GCH1: variants seen among roughly 807,000 people sequenced by gnomAD.
The protein encoded by GCH1 is GTP cyclohydrolase 1, also known as GTP cyclohydrolase I.
GCH1 carries 5 observed loss-of-function variants against 25.9 expected under a neutral mutation model. The observed-to-expected ratio is 0.19, with a 90% CI of 0.10 to 0.41. GCH1 has a LOEUF of 0.41. GCH1 is among the 10% of genes least tolerant of loss of function. The pLI is 1.00. For synonymous variants in GCH1, 159 were observed against 129.6 expected (o/e 1.23, Z -1.54); for missense variants, 261 against 336.5 (o/e 0.78, Z 1.75).
intron 1 of GCH1, among the ~76,000 whole-genome samples, chr14:54,890,236 G>T (rs950419656): frequency 6.6e-6 from 1 of 152,234 alleles, no homozygotes; most frequent in Non-Finnish European, 1.5e-5. Context: ...GGTGGCTTAC[G>T]CCTGTAATCC....
intron 1 of GCH1, among the ~76,000 whole-genome samples, chr14:54,893,408 A>G (rs1046007731): frequency 2.7e-5 from 4 of 149,402 alleles, no homozygotes; most frequent in African/African-American, 5.2e-5. Flanking sequence ...TACAGTCCTC[A>G]TATAGAAATC....
intron 1 of GCH1, among the ~76,000 whole-genome samples, chr14:54,870,743 G>A (rs940273449): frequency 1.3e-5 from 2 of 152,164 alleles, no homozygotes; most frequent in South Asian, 2.1e-4. Flanking sequence ...ACAGATCCTC[G>A]CTCATTGCTA....
chr14:54,862,875 G>C (rs935631702), intron 2 of GCH1, among the ~76,000 whole-genome samples: 3 of 152,070 alleles, frequency 2.0e-5, no homozygotes, highest in Admixed American at 1.3e-4. Context: ...GCACTCTGCT[G>C]AACAGCTGGC....
chr14:54,856,492 C>G (rs935516971), intron 3 of GCH1, among the ~76,000 whole-genome samples: 3 of 152,164 alleles, frequency 2.0e-5, no homozygotes, highest in Non-Finnish European at 4.4e-5. Flanking sequence ...CTTGCTCTGT[C>G]ACGAGACTGG....
At position 54,873,095 on chromosome 14, in the gene GCH1, T is replaced by G. The variant is rs1026962305; in HGVS notation, c.344-7659A>C. ...ACACTTATTCCAAAATTGACGGAAG[T>G]AAAACACTCCTCAGCAAATGTAAAA... On this transcript the variant is annotated intron_variant, in intron 1 of 5. Transcript: ENST00000491895. 2.9e-3 allele frequency among the ~76,000 whole-genome samples: 432 copies of G among 151,494 alleles called. 2 individuals are homozygous for G. Among genetic ancestry groups the G allele is most frequent in the African/African-American group, 9.5e-3 (394 of 41,380 alleles).
chr14:54,899,615 C>T (rs1049306180), intron 1 of GCH1, among the ~76,000 whole-genome samples: 10 of 152,044 alleles, frequency 6.6e-5, no homozygotes, highest in Non-Finnish European at 1.5e-4. Flanking sequence ...ACTGCAGGCA[C>T]GCCACAAAAC....
intron 2 of GCH1, among the ~76,000 whole-genome samples, chr14:54,864,086 T>G (rs1456877744): frequency 6.6e-6 from 1 of 152,160 alleles, no homozygotes; most frequent in African/African-American, 2.4e-5. Flanking sequence ...GGTCTTGAAC[T>G]CCTGGGTTCA....
At chr14:54,897,943 G>A (rs1273501001) in intron 1 of GCH1, among the ~76,000 whole-genome samples, 1 of 152,234 alleles carries the variant, frequency 6.6e-6, no homozygotes, top group Non-Finnish European at 1.5e-5. Flanking sequence ...AAGGAAGAGA[G>A]TGCTAACACA....
intron 1 of GCH1, among the ~76,000 whole-genome samples, chr14:54,870,076 G>C (rs1052605014): frequency 2.0e-5 from 3 of 152,070 alleles, no homozygotes; most frequent in African/African-American, 4.8e-5. Flanking sequence ...TTGGGTGATG[G>C]AAATAGTTCC....
At chr14:54,869,354 A>G (rs1368419268) in intron 1 of GCH1, among the ~76,000 whole-genome samples, 1 of 150,812 alleles carries the variant, frequency 6.6e-6, no homozygotes, top group Non-Finnish European at 1.5e-5. Context: ...TAATTTCTTA[A>G]ATGTTGATAA....
At chr14:54,862,757 T>A (rs2039923343) in intron 2 of GCH1, among the ~76,000 whole-genome samples, 1 of 151,778 alleles carries the variant, frequency 6.6e-6, no homozygotes, top group Non-Finnish European at 1.5e-5. Context: ...GCCCAGCCCT[T>A]ACGAACTACT....
chr14:54,846,983 T>C (rs966821692), intron 4 of GCH1, 116 bp downstream of exon 4: 1 of 492,112 alleles, frequency 2.0e-6, no homozygotes, highest in Non-Finnish European at 3.8e-6. Context: ...TGAGCCGAGA[T>C]TGCACCACTG....
At position 54,843,032 on chromosome 14, in the gene GCH1, G is replaced by C; in HGVS notation, c.*985C>G. The C allele has an allele frequency of 1.1e-6, 1 of 888,400 alleles. No homozygotes were observed. The highest frequency in any genetic ancestry group is 1.9e-6 in the Non-Finnish European group (1 of 518,370). The allele number at this position is 888,400 out of a possible 1,614,324, so 55.0% of individuals were successfully genotyped here. A position where few individuals can be genotyped will look rare whatever the true frequency, so the allele number is the denominator to read the frequency against. ...GTTCATTCTGTGCTCGTTCAGGTGC[G>C]TGGAAGCTATGGTTCTGCAGACCTG... On this transcript the variant is annotated 3_prime_UTR_variant, in exon 6 of 6. Coordinates refer to ENST00000491895, the MANE Select transcript of GCH1 (RefSeq NM_000161.3).
chr14:54,893,226 A>G (rs952513318), intron 1 of GCH1, among the ~76,000 whole-genome samples: 2 of 152,262 alleles, frequency 1.3e-5, no homozygotes, highest in Admixed American at 6.5e-5. Flanking sequence ...TCTAATTACT[A>G]TAGACTCTAG....
chr14:54,880,390 T>G (rs961257390), intron 1 of GCH1, among the ~76,000 whole-genome samples: 1 of 141,980 alleles, frequency 7.0e-6, no homozygotes, highest in Non-Finnish European at 1.5e-5. Flanking sequence ...TAATATAATA[T>G]ATATTATATA....
At position 54,865,663 on chromosome 14, in the gene GCH1, T is replaced by C. The variant is rs1181068459; in HGVS notation, c.344-227A>G. The stretch of plus-strand genomic sequence containing the variant: ...GTGTTACATGAAAAATGCAGGATTA[T>C]GAACATATTTGCAGTATGGAAGAGG... On this transcript the variant is annotated intron_variant, in intron 1 of 5. Coordinates refer to ENST00000491895, the MANE Select transcript of GCH1 (RefSeq NM_000161.3). Among the ~76,000 whole-genome samples, 4 of 152,166 alleles carry C rather than the reference T, an allele frequency of 2.6e-5. No individual in the cohort carries two copies. The South Asian group carries it at 6.2e-4, about 24-fold the overall frequency.
At chr14:54,848,702 T>C (rs1355454209) in intron 3 of GCH1, among the ~76,000 whole-genome samples, 1 of 152,184 alleles carries the variant, frequency 6.6e-6, no homozygotes, top group Non-Finnish European at 1.5e-5. Context: ...CCACCCCGTT[T>C]ACCACTCAGC....
intron 1 of GCH1, among the ~76,000 whole-genome samples, chr14:54,880,754 CCAT>C (rs373638352): frequency 4.1e-5 from 2 of 48,716 alleles, no homozygotes; most frequent in Non-Finnish European, 6.9e-5. Flanking sequence ...TATATATACT[CCAT>C]ATATATATAT....
chr14:54,875,076 T>C (rs1435486519), intron 1 of GCH1, among the ~76,000 whole-genome samples: 4 of 152,220 alleles, frequency 2.6e-5, no homozygotes, highest in Non-Finnish European at 5.9e-5. Context: ...CAAACTATAC[T>C]ACAAGGCTAC....
Sources: allele counts gnomAD v4.1 joint callset (sites outside exome capture counted in the v4.1 genomes callset), GRCh38; gene constraint gnomAD v4.1.1; transcripts MANE v1.5; gene names NCBI Gene and HGNC (gene_info 2026-07-23, HGNC 2026-07-21).